FCGRT: variants seen among roughly 807,000 people sequenced by gnomAD.
FCGRT encodes IgG receptor FcRn large subunit p51.
In FCGRT, 13 loss-of-function variants were observed where a neutral mutation model predicts 35.7. That is an observed-to-expected ratio of 0.36 (90% CI 0.24 to 0.58). FCGRT has a LOEUF of 0.58. Among genes scored for constraint, FCGRT ranks in the 20% least tolerant of loss-of-function variants. The pLI is 0.77. For synonymous variants in FCGRT, 233 were observed against 216.5 expected (o/e 1.08, Z -0.67); for missense variants, 455 against 474.9 (o/e 0.96, Z 0.39).
At chr19:49,525,872 AG>A (rs2080073197) in intron 6 of FCGRT, 137 bp from the exon 7 acceptor site, 1 of 753,096 alleles carries the variant, frequency 1.3e-6, no homozygotes, top group Admixed American at 1.8e-5. Context: ...AATTGGGAGA[AG>A]GGGAGACAAA....
At chr19:49,519,458 C>G (rs2080027629) in intron 4 of FCGRT, among the ~76,000 whole-genome samples, 1 of 152,238 alleles carries the variant, frequency 6.6e-6, no homozygotes, top group South Asian at 2.1e-4. Context: ...TTTTGATTTA[C>G]AGGTTTCCCA....
Position 49,524,787 on chromosome 19 carries a change from G to C in FCGRT, c.871+11G>C, listed in dbSNP as rs778633272. ...TCAGGGTGGAGCTGGGTGAGGTCCC[G>C]CCAGGTGGTGATGCTCCTGGTTTCC... On this transcript the variant is annotated intron_variant, in intron 5 of 6. Transcript: ENST00000221466. 3.1e-6 allele frequency: 5 copies of C among 1,596,216 alleles called. No individual in the cohort carries two copies. Among genetic ancestry groups the C allele is most frequent in the African/African-American group, 2.7e-5 (2 of 74,788 alleles).
chr19:49,514,072 C>T lies in FCGRT; in HGVS notation c.264C>T (p.Thr88=). Residue 88 remains threonine, a synonymous_variant, in exon 3 of 7, where the codon ACC becomes ACT. Transcript: ENST00000221466. ...TGTCCTGGTATTGGGAGAAAGAGAC[C>T]ACAGATCTGAGGATCAAGGAGAAGC... is the stretch of plus-strand genomic sequence containing the variant. ...NQVSWYWEKE[T]TDLRIKEKLF... is the part of the protein sequence containing the mutation. The T allele has an allele frequency of 6.2e-7, 1 of 1,611,544 alleles. No homozygotes were observed.
At chr19:49,513,737 T>TGGGGGGGG in intron 2 of FCGRT, 145 bp from the exon 3 acceptor site, 1 of 257,334 alleles carries the variant, frequency 3.9e-6, no homozygotes, top group Non-Finnish European at 6.7e-6. Flanking sequence ...TGGGTCTCTG[T>TGGGGGGGG]CCCCCCCCCC....
At position 49,525,518 on chromosome 19, in the gene FCGRT, G is replaced by C; in HGVS notation, c.933G>C (p.Thr311=). 1.2e-6 allele frequency: 2 copies of C among 1,613,890 alleles called. No individual in the cohort carries two copies. The highest frequency in any genetic ancestry group is 1.7e-6 in the Non-Finnish European group (2 of 1,179,992). ...VGIVIGVLLL[T]AAAVGGALLW... is the part of the protein sequence containing the mutation. ...TCGTCATCGGTGTCTTGCTACTCAC[G>C]GCAGCGGCTGTAGGAGGAGCTCTGT... Residue 311 remains threonine, a synonymous_variant, in exon 6 of 7, where the codon ACG becomes ACC. Coordinates refer to ENST00000221466, the MANE Select transcript of FCGRT (RefSeq NM_001136019.3).
chr19:49,524,238 C>T (rs2080059087), intron 4 of FCGRT, among the ~76,000 whole-genome samples: 1 of 152,014 alleles, frequency 6.6e-6, no homozygotes, highest in Non-Finnish European at 1.5e-5. Flanking sequence ...AACTCCTGAC[C>T]TCAGGTGATC....
intron 4 of FCGRT, 57 bp downstream of exon 4, chr19:49,514,543 G>C: frequency 6.8e-7 from 1 of 1,467,506 alleles, no homozygotes; most frequent in Admixed American, 2.4e-5. Flanking sequence ...ATGCCCACCT[G>C]CCTCAGTTCC....
chr19:49,523,019 C>T (rs2080051510), intron 4 of FCGRT, among the ~76,000 whole-genome samples: 2 of 151,724 alleles, frequency 1.3e-5, no homozygotes, highest in South Asian at 4.2e-4. Flanking sequence ...CCTCGTGATC[C>T]GCCTGCCTCG....
rs965231176 is a variant in FCGRT at position 49,514,327 on chromosome 19, G to C, written c.442G>C (p.Gly148Arg). ...EEFMNFDLKQ[G>R]TWGGDWPEAL... Reference sequence around the variant, plus strand: ...GTTCATGAATTTCGACCTCAAGCAGGGCACCTGGGGTGGGGACTGGCCCGA... The same window carrying C: ...GTTCATGAATTTCGACCTCAAGCAGCGCACCTGGGGTGGGGACTGGCCCGA... Residue 148 changes from glycine to arginine, a missense_variant, in exon 4 of 7, where the codon GGC (glycine) becomes CGC (arginine). Coordinates refer to ENST00000221466, the MANE Select transcript of FCGRT (RefSeq NM_001136019.3). The C allele has an allele frequency of 1.2e-6, 2 of 1,613,610 alleles. No homozygotes were observed. The highest frequency in any genetic ancestry group is 3.3e-5 in the Admixed American group (2 of 59,948).
chr19:49,523,297 G>A (rs1436612047), intron 4 of FCGRT, among the ~76,000 whole-genome samples: 1 of 152,110 alleles, frequency 6.6e-6, no homozygotes, highest in African/African-American at 2.4e-5. Context: ...GGCCGGGTGT[G>A]GTGCATCATG....
chr19:49,518,352 C>G (rs934429965), intron 4 of FCGRT, among the ~76,000 whole-genome samples: 1 of 145,848 alleles, frequency 6.9e-6, no homozygotes, highest in East Asian at 2.0e-4. Flanking sequence ...TTGAATTTTT[C>G]TTTCTTTCTT....
At chr19:49,524,844 TC>T (rs1568703874) in intron 5 of FCGRT, 68 bp downstream of exon 5, 4 of 1,461,328 alleles carry the variant, frequency 2.7e-6, no homozygotes, top group Non-Finnish European at 3.7e-6. Context: ...CGCCGGTCCT[TC>T]CTGAGTCTGA....
intron 4 of FCGRT, chr19:49,521,769 A>C (rs1286418826): frequency 3.3e-5 from 5 of 151,564 alleles, no homozygotes; most frequent in Non-Finnish European, 7.4e-5. Context: ...TCCCAAGCTC[A>C]AGCGATCCTC....
At chr19:49,522,637 T>A (rs1277061954) in intron 4 of FCGRT, among the ~76,000 whole-genome samples, 2 of 151,524 alleles carry the variant, frequency 1.3e-5, no homozygotes, top group Non-Finnish European at 2.9e-5. Context: ...TTTCACCATG[T>A]TGGTCAGGCT....
At chr19:49,520,444 C>G (rs1458211828) in intron 4 of FCGRT, among the ~76,000 whole-genome samples, 1 of 151,250 alleles carries the variant, frequency 6.6e-6, no homozygotes, top group Non-Finnish European at 1.5e-5. Context: ...CTCCTGGATT[C>G]AAGTGATCCT....
At position 49,522,535 on chromosome 19, in the gene FCGRT, G is replaced by T. The variant is rs538571758; in HGVS notation, c.602-1972G>T. ...CAACCTCCGCCTTCTGGGTTCAAGC[G>T]ATTCTCCTGCCTTAGCCTCCTGAGT... On this transcript the variant is annotated intron_variant, in intron 4 of 6. Transcript: ENST00000221466. Among the ~76,000 whole-genome samples, 90 of 151,338 alleles carry T rather than the reference G, an allele frequency of 5.9e-4. 3 individuals are homozygous for T. In the South Asian group the frequency reaches 0.018, roughly 31 times the overall value.
chr19:49,523,900 C>T lies in FCGRT; in HGVS notation c.602-607C>T, dbSNP rs537123244. ...ATTTAAATAGTTATAGGACTACAGA[C>T]GTTTTAAATTTCCTCTTGTGTCAGT... On this transcript the variant is annotated intron_variant, in intron 4 of 6. Coordinates refer to ENST00000221466, the MANE Select transcript of FCGRT (RefSeq NM_001136019.3). Among the ~76,000 whole-genome samples, 669 of 151,006 alleles carry T rather than the reference C, an allele frequency of 4.4e-3. 10 individuals carry two copies. Among genetic ancestry groups the T allele is most frequent in the Middle Eastern group, 0.017 (5 of 290 alleles).
Position 49,513,370 on chromosome 19 carries a change from G to GCCC in FCGRT, c.-14-14_-14-12dup. On this transcript the variant is annotated splice_polypyrimidine_tract_variant and intron_variant, in intron 1 of 6. Transcript: ENST00000221466. ...GGCCGGGGGTCGGGAGGAGTCACGTGCCCCCTCCCGCCCCAGGTCGTCCTC... is the reference window on the plus strand; with the variant it reads ...GGCCGGGGGTCGGGAGGAGTCACGTGCCCCCCCCTCCCGCCCCAGGTCGTCCTC... 8.5e-7 allele frequency: 1 copy of GCCC among 1,175,950 alleles called. No individual in the cohort carries two copies. Among genetic ancestry groups the GCCC allele is most frequent in the Non-Finnish European group, 1.1e-6 (1 of 926,786 alleles). 72.8% of individuals were successfully genotyped at this position (1,175,950 alleles called of 1,614,324 possible). A position where few individuals can be genotyped will look rare whatever the true frequency, so the allele number is the denominator to read the frequency against.
intron 1 of FCGRT, 105 bp from the exon 2 acceptor site, chr19:49,513,282 G>T (rs915633311): frequency 9.0e-5 from 40 of 444,718 alleles, no homozygotes; most frequent in African/African-American, 7.9e-4. Flanking sequence ...GACCGAGCCC[G>T]CAGAGCCCCT....
Sources: gnomAD v4.1 joint callset for allele counts (sites outside exome capture counted in the v4.1 genomes callset) on GRCh38, gnomAD v4.1.1 for gene constraint, MANE v1.5 for transcripts, NCBI Gene and HGNC (gene_info 2026-07-23, HGNC 2026-07-21) for gene names.